DHX36: variants seen among roughly 807,000 people sequenced by gnomAD.
DHX36 encodes the protein ATP-dependent DNA/RNA helicase DHX36.
Under a neutral mutation model 139.0 loss-of-function variants are expected in DHX36, and 50 were observed. That is an observed-to-expected ratio of 0.36 (90% CI 0.29 to 0.46). The LOEUF is 0.46. DHX36 is among the 20% of genes least tolerant of loss of function. The pLI is 1.00. For synonymous variants in DHX36, 425 were observed against 401.9 expected (o/e 1.06, Z -0.69); for missense variants, 1,024 against 1,211.3 (o/e 0.85, Z 2.29).
Position 154,324,386 on chromosome 3 carries a change from G to C in DHX36, c.31C>G (p.Arg11Gly). The C allele has an allele frequency of 6.3e-7, 1 of 1,582,158 alleles. No individual in the cohort carries two copies. Among genetic ancestry groups the C allele is most frequent in the Non-Finnish European group, 8.6e-7 (1 of 1,161,758 alleles). The change falls in exon 1 of 25, where the codon CGT (arginine) becomes GGT (glycine). Residue 11 changes from arginine (R) to glycine (G), a missense_variant. Around this residue, in one of 4 missense-constraint regions of DHX36, gnomAD observed 293 missense variants for 274.4 expected, o/e 1.07. Transcript: ENST00000496811. Reference protein sequence around the residue: MSYDYHQNWGRDGGPRSSGGG... With the variant: MSYDYHQNWGGDGGPRSSGGG... ...CCGGAGCTGCGGGGACCCCCATCAC[G>C]GCCCCAGTTCTGATGGTAGTCATAA...
Position 154,284,854 on chromosome 3 carries a change from G to GC in DHX36, c.2164dup (p.Ala722GlyfsTer3). ...TGGATCTTTGAAACTGAGACTAGCA[G>GC]CAATAGTGAGTACTGGGTCTAAGCA... On this transcript the variant is annotated frameshift_variant, in exon 18 of 25. Transcript: ENST00000496811. LOFTEE classifies it high-confidence loss of function. 6.2e-7 allele frequency: 1 copy of GC among 1,614,040 alleles called. No individual in the cohort carries two copies.
In DHX36 at chr3:154,283,108, T is replaced by C. The variant is rs1003209096; in HGVS notation, c.2376+80A>G. The C allele has an allele frequency of 9.8e-6, 11 of 1,122,288 alleles. No homozygotes were observed. In the African/African-American group the frequency reaches 1.2e-4, roughly 12 times the overall value. 69.5% of individuals were successfully genotyped at this position (1,122,288 alleles called of 1,614,324 possible). On this transcript the variant is annotated intron_variant, in intron 20 of 24. Coordinates refer to ENST00000496811, the MANE Select transcript of DHX36 (RefSeq NM_020865.3). ...TTCCATATATTTGACTTTTTTGCTA[T>C]AGATCTAATTGTACAAAATGGATGT...
rs768580381 is a variant in DHX36 at position 154,306,241 on chromosome 3, T to C, written c.868A>G (p.Thr290Ala). ...RAESCGSGNS[T>A]GYQIRLQSRL... ...CTCTGGAGACGAATTTGATATCCAG[T>C]ACTATTACCACTGCCACAAGATTCT... The change falls in exon 6 of 25, where the codon ACT becomes GCT. Residue 290 changes from threonine to alanine, a missense_variant. This residue lies in a region of DHX36 where 146 missense variants were observed against 215.0 expected (regional missense o/e 0.68). Coordinates refer to ENST00000496811, the MANE Select transcript of DHX36 (RefSeq NM_020865.3). The C allele has an allele frequency of 2.5e-5, 41 of 1,613,558 alleles. No individual in the cohort carries two copies. The highest frequency in any genetic ancestry group is 2.0e-5 in the Non-Finnish European group (24 of 1,179,760).
intron 12 of DHX36, among the ~76,000 whole-genome samples, chr3:154,298,824 G>A (rs774112189): frequency 5.3e-5 from 8 of 152,190 alleles, no homozygotes; most frequent in Non-Finnish European, 7.3e-5. Context: ...CAGGGCAGGA[G>A]AATCTCATGA....
At chr3:154,305,506 T>C (rs1348917769) in intron 6 of DHX36, among the ~76,000 whole-genome samples, 1 of 152,218 alleles carries the variant, frequency 6.6e-6, no homozygotes, top group Non-Finnish European at 1.5e-5. Context: ...GCATGGTGGC[T>C]CAGGCTTGTA....
intron 12 of DHX36, among the ~76,000 whole-genome samples, chr3:154,296,405 C>T (rs547946024): frequency 1.3e-5 from 2 of 152,110 alleles, no homozygotes; most frequent in African/African-American, 2.4e-5. Flanking sequence ...ACCTGGGAGG[C>T]GGAGCTTGCA....
In DHX36 at chr3:154,301,044, T is replaced by C. The variant is rs781220404; in HGVS notation, c.1301A>G (p.Glu434Gly). ...QGHVNRQEKE[E>G]KEAIYKERWP... ...ACGTTCTTTATATATTGCTTCTTTT[T>C]CTTCTTTTTCTTGTCTATTTACATG... The change falls in exon 10 of 25, where the codon GAA becomes GGA. Residue 434 changes from glutamate (E) to glycine (G), a missense_variant. Physicochemically the swap from Glu to Gly is moderately conservative, Grantham distance 98. Transcript: ENST00000496811. The C allele has an allele frequency of 2.5e-6, 4 of 1,608,958 alleles. No homozygotes were observed. In the Admixed American group the frequency reaches 6.7e-5, roughly 27 times the overall value.
intron 2 of DHX36, 35 bp from the exon 3 acceptor site, chr3:154,315,315 G>A (rs752319149): frequency 6.7e-7 from 1 of 1,486,558 alleles, no homozygotes; most frequent in Admixed American, 1.8e-5. Context: ...AGAAAGGTCA[G>A]ATGAGCCACT....
intron 12 of DHX36, among the ~76,000 whole-genome samples, chr3:154,299,107 A>T (rs529138038): frequency 1.3e-5 from 2 of 151,850 alleles, no homozygotes; most frequent in Non-Finnish European, 1.5e-5. Context: ...CCCCATCTCT[A>T]CTAAAAATGC....
intron 1 of DHX36, among the ~76,000 whole-genome samples, chr3:154,323,204 G>C (rs967910463): frequency 6.6e-6 from 1 of 151,916 alleles, no homozygotes; most frequent in Non-Finnish European, 1.5e-5. Context: ...AGGTGGTGGC[G>C]GACGCCTGTA....
intron 6 of DHX36, among the ~76,000 whole-genome samples, chr3:154,305,548 T>G (rs566953263): frequency 6.6e-6 from 1 of 152,020 alleles, no homozygotes; most frequent in East Asian, 1.9e-4. Context: ...GATGGGAGGG[T>G]TGCTTGAGCC....
chr3:154,283,832 C>CT (rs1178246209), intron 19 of DHX36, among the ~76,000 whole-genome samples: 1 of 152,138 alleles, frequency 6.6e-6, no homozygotes, highest in South Asian at 2.1e-4. Flanking sequence ...TGTTTACCCT[C>CT]AGATACACGT....
At chr3:154,279,036 G>A (rs1209072524) in intron 22 of DHX36, 2 of 151,916 alleles carry the variant, frequency 1.3e-5, no homozygotes, top group African/African-American at 4.8e-5. Context: ...AACGTGCAGT[G>A]GTGTGATCTT....
At chr3:154,318,525 G>A (rs968787731) in intron 1 of DHX36, among the ~76,000 whole-genome samples, 2 of 151,932 alleles carry the variant, frequency 1.3e-5, no homozygotes, top group Non-Finnish European at 2.9e-5. Context: ...CCCGGAAAAG[G>A]TGAATTACTG....
intron 9 of DHX36, among the ~76,000 whole-genome samples, chr3:154,302,608 A>T (rs1345625024): frequency 6.6e-6 from 1 of 152,166 alleles, no homozygotes; most frequent in Non-Finnish European, 1.5e-5. Flanking sequence ...TTAGGGATAT[A>T]AACAGGTTTG....
At chr3:154,298,029 A>AT (rs1458309864) in intron 12 of DHX36, among the ~76,000 whole-genome samples, 1 of 152,144 alleles carries the variant, frequency 6.6e-6, no homozygotes, top group East Asian at 1.9e-4. Context: ...TCAAGGCTAA[A>AT]TTTTTTTCAA....
chr3:154,318,661 T>C (rs181572471), intron 1 of DHX36, among the ~76,000 whole-genome samples: 92 of 152,294 alleles, frequency 6.0e-4, no homozygotes, highest in African/African-American at 2.1e-3. Flanking sequence ...CCTTACACAA[T>C]GCATATGTAC....
intron 19 of DHX36, among the ~76,000 whole-genome samples, chr3:154,283,816 G>A (rs1440022898): frequency 1.3e-5 from 2 of 152,058 alleles, no homozygotes; most frequent in African/African-American, 4.8e-5. Context: ...CAAGATAGGT[G>A]ATAAATGTTT....
chr3:154,289,745 C>T lies in DHX36; in HGVS notation c.1896G>A (p.Leu632=). ...AACAAAGTTCTTCCAAAGGAGTTCT[C>T]AAAATTTCTGGCAGTTGATAGTCAT... is the stretch of plus-strand genomic sequence containing the variant. ...LLDDYQLPEI[L]RTPLEELCLQ... Residue 632 remains leucine, a synonymous_variant, in exon 16 of 25, where the codon TTG becomes TTA. Coordinates refer to ENST00000496811, the MANE Select transcript of DHX36 (RefSeq NM_020865.3). 6.2e-7 allele frequency: 1 copy of T among 1,612,736 alleles called. No homozygotes were observed.
Sources: gnomAD v4.1 joint callset for allele counts (sites outside exome capture counted in the v4.1 genomes callset) on GRCh38, gnomAD v4.1.1 for gene constraint, gnomAD v4.1.1 regional missense constraint, MANE v1.5 for transcripts, NCBI Gene and HGNC (gene_info 2026-07-23, HGNC 2026-07-21) for gene names.